The following SHC3 variants were observed in gnomAD, a reference collection of about 807,000 sequenced individuals.
SHC3 encodes SHC-transforming protein 3.
A neutral mutation model predicts 60.4 loss-of-function variants in SHC3; 15 were observed. That is an observed-to-expected ratio of 0.25 (90% CI 0.17 to 0.38). SHC3 has a LOEUF of 0.38. SHC3 is among the 10% of genes least tolerant of loss of function. SHC3 has a pLI of 1.00. For synonymous variants in SHC3, 294 were observed against 325.9 expected (o/e 0.90, Z 1.05); for missense variants, 677 against 786.1 (o/e 0.86, Z 1.66).
intron 5 of SHC3, among the ~76,000 whole-genome samples, chr9:89,070,063 C>T (rs1021251003): frequency 6.6e-6 from 1 of 152,140 alleles, no homozygotes; most frequent in Non-Finnish European, 1.5e-5. Context: ...TGAAGATTGC[C>T]TACTCATAAT....
intron 1 of SHC3, among the ~76,000 whole-genome samples, chr9:89,117,305 C>G (rs951227922): frequency 6.6e-6 from 1 of 152,184 alleles, no homozygotes; most frequent in East Asian, 1.9e-4. Flanking sequence ...CTGTCCTTCC[C>G]AGTACTGCAG....
chr9:89,034,797 C>T (rs72618183), intron 11 of SHC3, among the ~76,000 whole-genome samples: 1,902 of 152,250 alleles, frequency 0.012, 108 homozygotes, highest in Admixed American at 0.091. Flanking sequence ...TTACTGGAGA[C>T]TTATGCCATG....
At chr9:89,120,950 A>G (rs1287752316) in intron 1 of SHC3, among the ~76,000 whole-genome samples, 2 of 151,968 alleles carry the variant, frequency 1.3e-5, no homozygotes, top group Admixed American at 1.3e-4. Flanking sequence ...ACATTTTAAA[A>G]GAGGATTTAT....
chr9:89,162,331 G>A (rs1195434056), intron 1 of SHC3, among the ~76,000 whole-genome samples: 1 of 151,966 alleles, frequency 6.6e-6, no homozygotes, highest in African/African-American at 2.4e-5. Flanking sequence ...CACACTACCT[G>A]ACTTCAAACT....
chr9:89,099,964 T>A (rs902311872), intron 2 of SHC3, among the ~76,000 whole-genome samples: 1 of 152,236 alleles, frequency 6.6e-6, no homozygotes, highest in African/African-American at 2.4e-5. Context: ...ATTTCATGCC[T>A]GATTTTTATC....
At chr9:89,131,114 A>G (rs1229038018) in intron 1 of SHC3, among the ~76,000 whole-genome samples, 1 of 152,222 alleles carries the variant, frequency 6.6e-6, no homozygotes, top group East Asian at 1.9e-4. Flanking sequence ...CTACCATCAG[A>G]GAATACTATA....
chr9:89,030,822 A>G (rs1824474601), intron 11 of SHC3, among the ~76,000 whole-genome samples: 1 of 152,178 alleles, frequency 6.6e-6, no homozygotes, highest in Non-Finnish European at 1.5e-5. Context: ...TTGTTTGAAA[A>G]ACAAGATATT....
At chr9:89,172,198 T>A (rs1826878836) in intron 1 of SHC3, among the ~76,000 whole-genome samples, 1 of 152,190 alleles carries the variant, frequency 6.6e-6, no homozygotes, top group South Asian at 2.1e-4. Flanking sequence ...GCCTAATCCC[T>A]CTGACCCCAG....
chr9:89,068,038 G>T (rs1825211549), intron 5 of SHC3, among the ~76,000 whole-genome samples: 1 of 152,160 alleles, frequency 6.6e-6, no homozygotes, highest in Non-Finnish European at 1.5e-5. Flanking sequence ...CTCTCAGATG[G>T]TCAATGGCCA....
chr9:89,108,976 G>T, intron 2 of SHC3: 3 of 816,208 alleles, frequency 3.7e-6, no homozygotes, highest in Non-Finnish European at 4.4e-6. Flanking sequence ...TAACTGGGCA[G>T]TTGTAATAGA....
chr9:89,133,858 T>C (rs936849403), intron 1 of SHC3, among the ~76,000 whole-genome samples: 3 of 152,142 alleles, frequency 2.0e-5, no homozygotes, highest in African/African-American at 7.2e-5. Flanking sequence ...CATGTATACA[T>C]ATGTAACAAA....
At chr9:89,163,270 TG>T (rs1232692507) in intron 1 of SHC3, among the ~76,000 whole-genome samples, 1 of 152,186 alleles carries the variant, frequency 6.6e-6, no homozygotes, top group Non-Finnish European at 1.5e-5. Context: ...CTATAAATCA[TG>T]CTGCTATAAA....
chr9:89,072,997 A>G (rs995499831), intron 4 of SHC3, among the ~76,000 whole-genome samples: 1 of 152,226 alleles, frequency 6.6e-6, no homozygotes, highest in Non-Finnish European at 1.5e-5. Flanking sequence ...GAGGCTGGCT[A>G]CAGAGGCTGC....
intron 2 of SHC3, among the ~76,000 whole-genome samples, chr9:89,097,901 C>G (rs145823735): frequency 1.3e-5 from 2 of 152,224 alleles, no homozygotes; most frequent in East Asian, 3.9e-4. Context: ...ATGATTGATT[C>G]TAAAGGAAGA....
chr9:89,110,710 T>C (rs538817908), intron 2 of SHC3, among the ~76,000 whole-genome samples: 1 of 152,316 alleles, frequency 6.6e-6, no homozygotes, highest in South Asian at 2.1e-4. Flanking sequence ...AGAGGTCTAA[T>C]AAAACCCAAG....
intron 6 of SHC3, among the ~76,000 whole-genome samples, chr9:89,062,351 A>C (rs1205974475): frequency 6.6e-6 from 1 of 152,176 alleles, no homozygotes; most frequent in Non-Finnish European, 1.5e-5. Context: ...ACCTTGTGAG[A>C]CATGGCTCAT....
intron 2 of SHC3, among the ~76,000 whole-genome samples, chr9:89,103,840 G>A (rs1419333447): frequency 6.6e-6 from 1 of 152,116 alleles, no homozygotes; most frequent in Non-Finnish European, 1.5e-5. Flanking sequence ...GAAAACTGTG[G>A]ATCCTAGACA....
intron 1 of SHC3, among the ~76,000 whole-genome samples, chr9:89,177,098 G>A (rs1430061274): frequency 6.6e-6 from 1 of 152,164 alleles, no homozygotes; most frequent in African/African-American, 2.4e-5. Flanking sequence ...CTGTCTGCTC[G>A]GCTGTGGAGG....
intron 1 of SHC3, among the ~76,000 whole-genome samples, chr9:89,175,790 G>A (rs889982331): frequency 3.3e-5 from 5 of 152,142 alleles, no homozygotes; most frequent in South Asian, 2.1e-4. Flanking sequence ...TAAGGATACC[G>A]GTAGAACTAT....
Sources: allele counts gnomAD v4.1 joint callset (sites outside exome capture counted in the v4.1 genomes callset), GRCh38; gene constraint gnomAD v4.1.1; transcripts MANE v1.5; gene names NCBI Gene and HGNC (gene_info 2026-07-23, HGNC 2026-07-21).